KLHL1: variants seen among roughly 807,000 people sequenced by gnomAD.
The protein encoded by KLHL1 is kelch like family member 1, also known as kelch-like protein 1.
In KLHL1, 47 loss-of-function variants were observed where a neutral mutation model predicts 77.7. The ratio of observed to expected loss-of-function variants is 0.60; its 90% CI spans 0.48 to 0.77. KLHL1 has a LOEUF of 0.77. KLHL1 is among the 30% of genes least tolerant of loss of function. The probability of loss-of-function intolerance (pLI) is 0.00; values close to 1 mark genes in which losing one functional copy is unlikely to be tolerated. For synonymous variants in KLHL1, 360 were observed against 325.2 expected, an observed-to-expected ratio of 1.11 and a Z score of -1.15; for missense variants, 925 against 910.8, an observed-to-expected ratio of 1.02 and a Z score of -0.20.
At position 69,701,441 on chromosome 13, in the gene KLHL1, A is replaced by G. The variant is rs557232361; in HGVS notation, c.*261T>C. The G allele has an allele frequency of 9.0e-6, 3 of 333,234 alleles. No individual in the cohort carries two copies. Among genetic ancestry groups the G allele is most frequent in the Non-Finnish European group, 1.1e-5 (2 of 182,486 alleles). The allele number at this position is 333,234 out of a possible 1,614,324, so 20.6% of individuals were successfully genotyped here. A position where few individuals can be genotyped will look rare whatever the true frequency, so the allele number is the denominator to read the frequency against. On this transcript the variant is annotated 3_prime_UTR_variant, in exon 11 of 11. Coordinates refer to ENST00000377844, the MANE Select transcript of KLHL1 (RefSeq NM_020866.3). ...AGCCTTTGGTAACTCTAGTTATTGT[A>G]TGCTATAATACAAAACAAATTACCA...
intron 6 of KLHL1, 52 bp downstream of exon 6, chr13:69,838,924 G>A (rs1748005847): frequency 1.6e-6 from 2 of 1,219,848 alleles, no homozygotes. Context: ...TATAAAAGCT[G>A]CAACACGGTA....
chr13:69,734,729 C>T (rs1047773782), intron 8 of KLHL1, among the ~76,000 whole-genome samples: 2 of 151,972 alleles, frequency 1.3e-5, no homozygotes, highest in Admixed American at 1.3e-4. Context: ...TGATTTGTGG[C>T]AGTGATGAAA....
intron 7 of KLHL1, among the ~76,000 whole-genome samples, chr13:69,745,112 C>T (rs1451164456): frequency 6.6e-6 from 1 of 151,888 alleles, no homozygotes. Context: ...AATCTCTCCA[C>T]AACTTGTCAC....
chr13:69,882,897 T>C (rs577096615), intron 4 of KLHL1, among the ~76,000 whole-genome samples: 1 of 152,184 alleles, frequency 6.6e-6, no homozygotes. Flanking sequence ...TAAAATTGCA[T>C]AGATAAAAGT....
intron 6 of KLHL1, among the ~76,000 whole-genome samples, chr13:69,837,667 T>TAC (rs1879075525): frequency 7.6e-6 from 1 of 132,360 alleles, no homozygotes; most frequent in Non-Finnish European, 1.6e-5. Context: ...TGTGTGTGTG[T>TAC]GTGTATATAT....
At chr13:70,063,523 T>C (rs1693012713) in intron 1 of KLHL1, among the ~76,000 whole-genome samples, 1 of 152,122 alleles carries the variant, frequency 6.6e-6, no homozygotes, top group African/African-American at 2.4e-5. Flanking sequence ...TATTTAAAAT[T>C]ATAATCTAAC....
rs556280713 is a variant in KLHL1 at position 69,755,650 on chromosome 13, A to T, written c.1640-15094T>A. Among the ~76,000 whole-genome samples, 552 of 145,324 alleles carry T rather than the reference A, an allele frequency of 3.8e-3. 3 individuals are homozygous for T. Among genetic ancestry groups the T allele is most frequent in the Admixed American group, 3.7e-3 (55 of 14,954 alleles). ...TGAATTCATCTCCAAAGTAATTTTA[A>T]AAAAAAAGCACTGCAGAAAAAAGTT... is the stretch of plus-strand genomic sequence containing the variant. On this transcript the variant is annotated intron_variant, in intron 7 of 10. Transcript: ENST00000377844.
intron 1 of KLHL1, among the ~76,000 whole-genome samples, chr13:70,057,427 G>A (rs962316450): frequency 7.1e-6 from 1 of 140,256 alleles, no homozygotes; most frequent in Non-Finnish European, 1.5e-5. Context: ...AACTCATTCT[G>A]AGGCCAGTAT....
chr13:70,053,542 T>C, intron 1 of KLHL1, among the ~76,000 whole-genome samples: 1 of 152,120 alleles, frequency 6.6e-6, no homozygotes, highest in East Asian at 1.9e-4. Context: ...TGGAAGTCTA[T>C]GTAAAACAAT....
intron 1 of KLHL1, among the ~76,000 whole-genome samples, chr13:70,000,108 G>A (rs1172056434): frequency 6.6e-6 from 1 of 151,872 alleles, no homozygotes; most frequent in African/African-American, 2.4e-5. Flanking sequence ...TCTGTCTCCT[G>A]CTTCCTCTGT....
intron 1 of KLHL1, among the ~76,000 whole-genome samples, chr13:70,089,845 C>G (rs915155295): frequency 1.3e-5 from 2 of 152,046 alleles, no homozygotes; most frequent in Admixed American, 6.6e-5. Flanking sequence ...CTACTTATAG[C>G]TAAGACAGCA....
At chr13:69,930,027 A>C (rs2482566) in intron 4 of KLHL1, among the ~76,000 whole-genome samples, 132,074 of 151,760 alleles carry the variant, frequency 0.87, 58,054 homozygotes, top group Non-Finnish European at 0.94. Context: ...TTAAGATATC[A>C]GAAAAATTAT....
chr13:70,102,794 T>C (rs1444878065), intron 1 of KLHL1, among the ~76,000 whole-genome samples: 1 of 152,236 alleles, frequency 6.6e-6, no homozygotes, highest in Non-Finnish European at 1.5e-5. Context: ...CTTACGCATA[T>C]AAATATTCAA....
chr13:70,005,857 T>C (rs1047288723), intron 1 of KLHL1, among the ~76,000 whole-genome samples: 2 of 152,010 alleles, frequency 1.3e-5, no homozygotes, highest in African/African-American at 2.4e-5. Context: ...AAAATCACTG[T>C]TGTAAGAACT....
At chr13:69,842,420 G>T (rs892610524) in intron 5 of KLHL1, among the ~76,000 whole-genome samples, 1 of 151,752 alleles carries the variant, frequency 6.6e-6, no homozygotes, top group African/African-American at 2.4e-5. Context: ...CATACAAATG[G>T]CCCAACAGGT....
At chr13:70,095,127 C>T (rs967046183) in intron 1 of KLHL1, among the ~76,000 whole-genome samples, 9 of 152,120 alleles carry the variant, frequency 5.9e-5, no homozygotes, top group South Asian at 2.1e-4. Flanking sequence ...CTGGGTATTG[C>T]TTCAGTCATT....
chr13:70,004,304 T>A (rs1885359058), intron 1 of KLHL1, among the ~76,000 whole-genome samples: 1 of 151,814 alleles, frequency 6.6e-6, no homozygotes, highest in Non-Finnish European at 1.5e-5. Context: ...AAGACCCCCA[T>A]GACACATGAC....
chr13:70,047,280 GAA>G (rs752563925), intron 1 of KLHL1, among the ~76,000 whole-genome samples: 2 of 136,526 alleles, frequency 1.5e-5, no homozygotes, highest in Non-Finnish European at 3.2e-5. Context: ...TTGGTTAACT[GAA>G]AAAAAAAAAA....
intron 5 of KLHL1, among the ~76,000 whole-genome samples, chr13:69,847,263 A>C (rs1350301850): frequency 6.6e-6 from 1 of 151,456 alleles, no homozygotes; most frequent in Non-Finnish European, 1.5e-5. Context: ...ACATTATAAA[A>C]ACTTGTATTA....
Sources: allele counts gnomAD v4.1 joint callset (sites outside exome capture counted in the v4.1 genomes callset), GRCh38; gene constraint gnomAD v4.1.1; transcripts MANE v1.5; gene names NCBI Gene and HGNC (gene_info 2026-07-23, HGNC 2026-07-21).